Variants in IL1RAPL2 observed in about 807,000 individuals in gnomAD.
The protein encoded by IL1RAPL2 is X-linked interleukin-1 receptor accessory protein-like 2.
IL1RAPL2 carries 3 observed loss-of-function variants against 44.1 expected under a neutral mutation model. The observed-to-expected ratio is 0.07, with a 90% CI of 0.03 to 0.18. The LOEUF is 0.18. Ranked by LOEUF, IL1RAPL2 falls within the 10% of genes least tolerant of loss-of-function variation. IL1RAPL2 has a pLI of 1.00. For synonymous variants in IL1RAPL2, 181 were observed against 178.8 expected, an observed-to-expected ratio of 1.01 and a Z score of -0.10; for missense variants, 391 against 496.4, an observed-to-expected ratio of 0.79 and a Z score of 2.02.
chrX:105,209,172 A>G (rs1356910009), intron 3 of IL1RAPL2, among the ~76,000 whole-genome samples: 1 of 112,162 alleles, frequency 8.9e-6, no homozygotes, highest in Non-Finnish European at 1.9e-5. Flanking sequence ...GGAAGCTTCT[A>G]TATTAGGTAA....
At chrX:104,693,753 C>T (rs932955548) in intron 2 of IL1RAPL2, among the ~76,000 whole-genome samples, 5 of 111,896 alleles carry the variant, frequency 4.5e-5, no homozygotes, top group African/African-American at 1.6e-4. Flanking sequence ...TTAACTAAGC[C>T]ATAAAACATT....
chrX:104,904,117 TA>T lies in IL1RAPL2; in HGVS notation c.82+245123del, dbSNP rs200309944. The stretch of plus-strand genomic sequence containing the variant: ...CTATTCACAAATATCCCTCTCTCCT[TA>T]TTTGTATATTGTAGTATCACCAACT... On this transcript the variant is annotated intron_variant, in intron 2 of 10. Coordinates refer to ENST00000372582, the MANE Select transcript of IL1RAPL2 (RefSeq NM_017416.2). 6.3e-3 allele frequency among the ~76,000 whole-genome samples: 690 copies of T among 110,059 alleles called. 3 individuals carry two copies. The highest frequency in any genetic ancestry group is 0.022 in the African/African-American group (656 of 30,291).
chrX:104,589,268 G>C (rs1928618516), intron 1 of IL1RAPL2, among the ~76,000 whole-genome samples: 1 of 112,248 alleles, frequency 8.9e-6, no homozygotes, highest in African/African-American at 3.2e-5. Context: ...TAGAAGCAAG[G>C]AAGCCAGTCC....
chrX:105,423,007 C>T (rs2035783711), intron 5 of IL1RAPL2, among the ~76,000 whole-genome samples: 1 of 110,716 alleles, frequency 9.0e-6, no homozygotes, highest in Non-Finnish European at 1.9e-5. Flanking sequence ...AATTTGTTGC[C>T]TTTGTTGCAC....
Position 104,854,428 on chromosome X carries a change from G to C in IL1RAPL2, c.82+195433G>C, listed in dbSNP as rs906417457. 4.5e-5 allele frequency among the ~76,000 whole-genome samples: 5 copies of C among 111,743 alleles called. No homozygotes were observed. In the South Asian group the frequency reaches 1.9e-3, roughly 42 times the overall value. The stretch of plus-strand genomic sequence containing the variant: ...ACATTGTTCCATGAGTCATCATCTA[G>C]GTTTTAACCACACATGCACAAAAAA... On this transcript the variant is annotated intron_variant, in intron 2 of 10. Coordinates refer to ENST00000372582, the MANE Select transcript of IL1RAPL2 (RefSeq NM_017416.2).
chrX:104,634,800 TG>T (rs1205419290), intron 1 of IL1RAPL2, among the ~76,000 whole-genome samples: 1 of 112,034 alleles, frequency 8.9e-6, no homozygotes, highest in Non-Finnish European at 1.9e-5. Context: ...CTATCCAATT[TG>T]CCAGTCTGTG....
chrX:104,749,581 G>A (rs772516164), intron 2 of IL1RAPL2, among the ~76,000 whole-genome samples: 5 of 111,566 alleles, frequency 4.5e-5, no homozygotes, highest in Non-Finnish European at 7.5e-5. Context: ...CTACTTATAG[G>A]ATGAAGATGA....
chrX:105,632,784 C>T lies in IL1RAPL2; in HGVS notation c.773-84583C>T, dbSNP rs141408774. Among the ~76,000 whole-genome samples the T allele has an allele frequency of 1.2e-3, 130 of 111,184 alleles. 1 individual carries two copies. The highest frequency in any genetic ancestry group is 4.0e-3 in the African/African-American group (123 of 30,620). On this transcript the variant is annotated intron_variant, in intron 6 of 10. Coordinates refer to ENST00000372582, the MANE Select transcript of IL1RAPL2 (RefSeq NM_017416.2). ...CTTGTCATTATTGGGGAATTGACTC[C>T]AAATATAACAAATCAAGATGGTCAA...
chrX:105,578,849 A>G (rs755580902), intron 6 of IL1RAPL2, among the ~76,000 whole-genome samples: 1 of 112,011 alleles, frequency 8.9e-6, no homozygotes, highest in South Asian at 3.7e-4. Context: ...TAATGAGTCT[A>G]TGTTGCCCTC....
intron 2 of IL1RAPL2, among the ~76,000 whole-genome samples, chrX:105,107,596 G>A (rs1327768734): frequency 8.9e-6 from 1 of 111,828 alleles, no homozygotes; most frequent in African/African-American, 3.3e-5. Flanking sequence ...ATGATAAAGT[G>A]GGGAGTTTGA....
intron 6 of IL1RAPL2, among the ~76,000 whole-genome samples, chrX:105,536,925 A>T (rs1277241271): frequency 9.0e-6 from 1 of 111,473 alleles, no homozygotes; most frequent in African/African-American, 3.3e-5. Flanking sequence ...CACAGTTTTG[A>T]TCTTTTATTT....
At chrX:105,624,861 T>C (rs930203805) in intron 6 of IL1RAPL2, among the ~76,000 whole-genome samples, 2 of 111,986 alleles carry the variant, frequency 1.8e-5, no homozygotes, top group African/African-American at 6.5e-5. Flanking sequence ...ATGATACTTA[T>C]CTAAAAAGAT....
At chrX:104,671,820 C>T (rs772259647) in intron 2 of IL1RAPL2, among the ~76,000 whole-genome samples, 1 of 111,756 alleles carries the variant, frequency 8.9e-6, no homozygotes, top group Non-Finnish European at 1.9e-5. Flanking sequence ...AGTATGCCAC[C>T]TATCACAGTT....
intron 3 of IL1RAPL2, among the ~76,000 whole-genome samples, chrX:105,223,469 A>G (rs1429243372): frequency 9.0e-6 from 1 of 111,710 alleles, no homozygotes; most frequent in African/African-American, 3.3e-5. Flanking sequence ...CTTTTACCTT[A>G]TCTCTTTTAT....
At chrX:104,728,091 T>G in intron 2 of IL1RAPL2, among the ~76,000 whole-genome samples, 1 of 110,571 alleles carries the variant, frequency 9.0e-6, no homozygotes, top group Non-Finnish European at 1.9e-5. Context: ...TTGTAGCCCC[T>G]AAATCTATAA....
At chrX:104,713,511 A>G (rs1294452859) in intron 2 of IL1RAPL2, among the ~76,000 whole-genome samples, 1 of 111,118 alleles carries the variant, frequency 9.0e-6, no homozygotes, top group Non-Finnish European at 1.9e-5. Flanking sequence ...CTATACTCAG[A>G]GGCATGCAAC....
chrX:104,678,953 G>C (rs7059875), intron 2 of IL1RAPL2, among the ~76,000 whole-genome samples: 41,356 of 110,394 alleles, frequency 0.37, 5,920 homozygotes, highest in Non-Finnish European at 0.45. Flanking sequence ...GCACATGTAT[G>C]TCAGAACTTA....
intron 2 of IL1RAPL2, among the ~76,000 whole-genome samples, chrX:104,786,950 TCTCTCTC>T (rs1932802126): frequency 1.0e-5 from 1 of 97,083 alleles, no homozygotes; most frequent in Non-Finnish European, 2.1e-5. Context: ...TCTCTCTCTC[TCTCTCTC>T]TCTCTCTCTC....
chrX:105,063,840 T>C (rs1487391913), intron 2 of IL1RAPL2, among the ~76,000 whole-genome samples: 1 of 111,904 alleles, frequency 8.9e-6, no homozygotes, highest in African/African-American at 3.3e-5. Flanking sequence ...AGAAAAATTA[T>C]TTGAATTACC....
Sources: allele counts gnomAD v4.1 joint callset (sites outside exome capture counted in the v4.1 genomes callset), GRCh38; gene constraint gnomAD v4.1.1; transcripts MANE v1.5; gene names NCBI Gene and HGNC (gene_info 2026-07-23, HGNC 2026-07-21).